ADAM20: variants seen among roughly 807,000 people sequenced by gnomAD.
The protein encoded by ADAM20 is disintegrin and metalloproteinase domain-containing protein 20.
For synonymous variants in ADAM20, 305 were observed against 310.2 expected (o/e 0.98, Z 0.18); for missense variants, 871 against 883.2 (o/e 0.99, Z 0.18).
At position 70,523,035 on chromosome 14, in the gene ADAM20, G is replaced by A. The variant is rs911912314; in HGVS notation, c.1723C>T (p.Leu575=). Residue 575 remains leucine (L), a synonymous_variant, in exon 2 of 2, where the codon CTG becomes TTG. Transcript: ENST00000256389. ...QCENVGVIPN[L]IEHSTVQQFH... ...TGCTGCACTGTAGAATGCTCTATCA[G>A]ATTGGGAATTACTCCCACATTTTCA... is the stretch of plus-strand genomic sequence containing the variant. The A allele has an allele frequency of 3.1e-6, 5 of 1,613,882 alleles. No individual in the cohort carries two copies. In the African/African-American group the frequency reaches 6.7e-5, roughly 22 times the overall value.
chr14:70,546,448 G>C, the ADAM20 span, among the ~76,000 whole-genome samples: 7 of 152,246 alleles, frequency 4.6e-5, no homozygotes, highest in Non-Finnish European at 8.8e-5. Context: ...CCAGAAAGGT[G>C]GGGACAACTC....
At chr14:70,579,197 T>C in the ADAM20 span, among the ~76,000 whole-genome samples, 1 of 152,140 alleles carries the variant, frequency 6.6e-6, no homozygotes, top group Non-Finnish European at 1.5e-5. Context: ...TTTGGTAGGA[T>C]ACCCAGTAAT....
At chr14:70,528,900 T>C (rs1443986440) in intron 1 of ADAM20, among the ~76,000 whole-genome samples, 2 of 152,094 alleles carry the variant, frequency 1.3e-5, no homozygotes, top group Non-Finnish European at 2.9e-5. Context: ...AATAATTTCA[T>C]ATGCATCTAA....
chr14:70,528,109 G>GA (rs2139535312), intron 1 of ADAM20, among the ~76,000 whole-genome samples: 1 of 152,248 alleles, frequency 6.6e-6, no homozygotes, highest in South Asian at 2.1e-4. Flanking sequence ...TAATTTGGTA[G>GA]AAAAATATAG....
At chr14:70,563,312 G>A in the ADAM20 span, among the ~76,000 whole-genome samples, 1,463 of 152,256 alleles carry the variant, frequency 9.6e-3, 17 homozygotes, top group African/African-American at 0.033. Context: ...ATTGCAAGCA[G>A]GGGAGAGAGA....
At chr14:70,529,371 T>C (rs1449853368) in intron 1 of ADAM20, among the ~76,000 whole-genome samples, 1 of 152,220 alleles carries the variant, frequency 6.6e-6, no homozygotes, top group African/African-American at 2.4e-5. Flanking sequence ...ATCAATAATG[T>C]AATGAAATCT....
the ADAM20 span, chr14:70,556,735 G>C: frequency 6.6e-6 from 1 of 152,200 alleles, no homozygotes; most frequent in Non-Finnish European, 1.5e-5. Context: ...AGTATTCACA[G>C]AATGTGAAAC....
In ADAM20 at chr14:70,522,980, C is replaced by T. The variant is rs1300002470; in HGVS notation, c.1778G>A (p.Gly593Asp). 6.2e-7 allele frequency: 1 copy of T among 1,613,872 alleles called. No homozygotes were observed. The highest frequency in any genetic ancestry group is 1.3e-5 in the African/African-American group (1 of 74,896). The change falls in exon 2 of 2, where the codon GGC becomes GAC. Residue 593 changes from glycine (G) to aspartate (D), a missense_variant. Physicochemically the swap from Gly to Asp is moderately conservative, Grantham distance 94. Transcript: ENST00000256389. Reference sequence around the variant, plus strand: ...AGCCATCCCTAAATGATAATCAGTGCCCCAGCAAGTGGTGTCATTGAGGTG... The same window carrying T: ...AGCCATCCCTAAATGATAATCAGTGTCCCAGCAAGTGGTGTCATTGAGGTG... The part of the protein sequence containing the change: ...QFHLNDTTCW[G>D]TDYHLGMAIP...
the ADAM20 span, among the ~76,000 whole-genome samples, chr14:70,566,017 A>G: frequency 6.6e-6 from 1 of 152,162 alleles, no homozygotes. Context: ...TTCCCAAACA[A>G]AAGCTGAGGA....
Position 70,523,275 on chromosome 14 carries a change from T to A in ADAM20, c.1483A>T (p.Ile495Phe). The change falls in exon 2 of 2, where the codon ATC becomes TTC. Residue 495 changes from isoleucine (I) to phenylalanine (F), a missense_variant. Ile to Phe is a conservative substitution (Grantham distance 21). Coordinates refer to ENST00000256389, the MANE Select transcript of ADAM20 (RefSeq NM_003814.5). Reference protein sequence around the residue: ...CPDDVYVQDGISCNVNAFCYE... With the variant: ...CPDDVYVQDGFSCNVNAFCYE... ...CAGAAGGCATTCACATTACAGGAGA[T>A]CCCGTCCTGCACATACACATCATCT... 1.9e-6 allele frequency: 3 copies of A among 1,614,030 alleles called. No individual in the cohort carries two copies. Among genetic ancestry groups the A allele is most frequent in the Non-Finnish European group, 2.5e-6 (3 of 1,179,942 alleles).
chr14:70,545,551 A>G, the ADAM20 span, among the ~76,000 whole-genome samples: 2 of 152,234 alleles, frequency 1.3e-5, no homozygotes, highest in Non-Finnish European at 2.9e-5. Context: ...ATGGAAACCA[A>G]AAAAGAGCAA....
chr14:70,563,638 T>C, the ADAM20 span, among the ~76,000 whole-genome samples: 24,932 of 152,162 alleles, frequency 0.16, 2,961 homozygotes, highest in East Asian at 0.49. Flanking sequence ...GGATGTCTTA[T>C]GGCTCTGTGG....
the ADAM20 span, among the ~76,000 whole-genome samples, chr14:70,577,493 G>A: frequency 3.3e-5 from 5 of 152,052 alleles, no homozygotes; most frequent in African/African-American, 4.8e-5. Context: ...CACCAAATAC[G>A]TCCTCACATC....
At chr14:70,541,636 T>C in the ADAM20 span, among the ~76,000 whole-genome samples, 16 of 152,182 alleles carry the variant, frequency 1.1e-4, no homozygotes, top group Admixed American at 5.9e-4. Flanking sequence ...AATATAAAGG[T>C]AAAACTTGGC....
chr14:70,527,862 G>A (rs1394522398), intron 1 of ADAM20, among the ~76,000 whole-genome samples: 1 of 152,146 alleles, frequency 6.6e-6, no homozygotes, highest in Non-Finnish European at 1.5e-5. Flanking sequence ...CACAGCATAT[G>A]CTCACTTCTG....
intron 1 of ADAM20, among the ~76,000 whole-genome samples, chr14:70,529,974 C>T (rs977476687): frequency 7.9e-5 from 12 of 152,074 alleles, no homozygotes; most frequent in Admixed American, 6.6e-5. Context: ...AAACATTGTA[C>T]AGCTGTACAA....
Position 70,524,503 on chromosome 14 carries a change from T to A in ADAM20, c.255A>T (p.Ala85=). The A allele has an allele frequency of 6.2e-7, 1 of 1,613,980 alleles. No homozygotes were observed. Among genetic ancestry groups the A allele is most frequent in the East Asian group, 2.2e-5 (1 of 44,870 alleles). Residue 85 remains alanine (A), a synonymous_variant, in exon 2 of 2, where the codon GCA becomes GCT. Transcript: ENST00000256389. ...HMRVNKLLFA[A]HLPVFTYTEQ... is the part of the protein sequence containing the mutation. ...CTGTGTAGGTGAACACAGGAAGGTG[T>A]GCAGCAAACAACAGCTTATTTACCC...
chr14:70,527,141 G>A (rs1384945091), intron 1 of ADAM20, among the ~76,000 whole-genome samples: 22 of 152,170 alleles, frequency 1.4e-4, no homozygotes, highest in Admixed American at 6.6e-5. Context: ...CACTGGAAGA[G>A]CAGTAGCCAA....
chr14:70,530,820 T>C (rs1255129237), intron 1 of ADAM20, among the ~76,000 whole-genome samples: 1 of 151,510 alleles, frequency 6.6e-6, no homozygotes, highest in South Asian at 2.1e-4. Flanking sequence ...CCAAAACTTA[T>C]AGGATGCAGC....
Sources: gnomAD v4.1 joint callset for allele counts (sites outside exome capture counted in the v4.1 genomes callset) on GRCh38, gnomAD v4.1.1 for gene constraint, MANE v1.5 for transcripts, NCBI Gene and HGNC (gene_info 2026-07-23, HGNC 2026-07-21) for gene names.